The following NANS variants were observed in gnomAD, a reference collection of about 807,000 sequenced individuals.
NANS encodes N-acetylneuraminate-9-phosphate synthase.
Under a neutral mutation model 33.3 loss-of-function variants are expected in NANS, and 29 were observed. The observed-to-expected ratio is 0.87, with a 90% CI of 0.65 to 1.19. The LOEUF is 1.19. Ranked by LOEUF, NANS falls within the 50% of genes most tolerant of loss-of-function variation. The pLI is 0.00. For missense variants in NANS, 394 were observed against 461.1 expected (o/e 0.85, Z 1.33); for synonymous variants, 163 against 177.2 (o/e 0.92, Z 0.64).
Position 98,080,565 on chromosome 9 carries a change from T to G in NANS, c.604-251T>G, listed in dbSNP as rs78129780. On this transcript the variant is annotated intron_variant, in intron 4 of 5. Transcript: ENST00000210444. ...CAATGTGAAACATTCTTAAAATGCATTCTTTAGAATAACAGTAACCATTTT... is the reference window on the plus strand; with the variant it reads ...CAATGTGAAACATTCTTAAAATGCAGTCTTTAGAATAACAGTAACCATTTT... 1.5e-3 allele frequency among the ~76,000 whole-genome samples: 222 copies of G among 152,356 alleles called. 7 individuals are homozygous for G. In the East Asian group the frequency reaches 0.03, roughly 21 times the overall value.
intron 4 of NANS, among the ~76,000 whole-genome samples, chr9:98,080,244 T>C (rs1162544308): frequency 6.6e-6 from 1 of 152,134 alleles, no homozygotes; most frequent in African/African-American, 2.4e-5. Flanking sequence ...AATAAAATAA[T>C]AATACACGCT....
intron 4 of NANS, among the ~76,000 whole-genome samples, chr9:98,078,729 G>C (rs914732933): frequency 1.3e-5 from 2 of 151,616 alleles, no homozygotes; most frequent in Admixed American, 6.6e-5. Context: ...CAGCTACTCA[G>C]GAGGCTGAGG....
At chr9:98,080,687 T>A in intron 4 of NANS, 129 bp from the exon 5 acceptor site, 1 of 1,006,084 alleles carries the variant, frequency 9.9e-7, no homozygotes, top group South Asian at 1.7e-5. Context: ...TCAGAGAGCC[T>A]CAGTATCTTG....
rs368286579 is a variant in NANS, at chr9:98,056,860, C to G, written c.52C>G (p.Pro18Ala). 55 of 1,612,262 alleles carry G rather than the reference C, an allele frequency of 3.4e-5. No individual in the cohort carries two copies. The highest frequency in any genetic ancestry group is 3.3e-4 in the Middle Eastern group (2 of 6,064). ...CPGRWVGGQH[P>A]CFIIAEIGQN... ...CGGGCGCTGGGTGGGCGGGCAACAC[C>G]CGTGCTTCATCATTGCCGAGATCGG... Residue 18 changes from proline to alanine, a missense_variant, in exon 1 of 6, where the codon CCG becomes GCG. Physicochemically the swap from Pro to Ala is conservative, Grantham distance 27. Transcript: ENST00000210444.
At chr9:98,071,999 A>T (rs1829355365) in intron 2 of NANS, among the ~76,000 whole-genome samples, 1 of 152,158 alleles carries the variant, frequency 6.6e-6, no homozygotes, top group Non-Finnish European at 1.5e-5. Flanking sequence ...TGGTGTTTGC[A>T]GCGGGGCTTC....
rs2117966905 is a variant in NANS at position 98,078,206 on chromosome 9, G to T, written c.462G>T (p.Val154=). 1 of 1,614,190 alleles carries T rather than the reference G, an allele frequency of 6.2e-7. No homozygotes were observed. The highest frequency in any genetic ancestry group is 8.5e-7 in the Non-Finnish European group (1 of 1,180,032). ...EKTAKKGRPM[V]ISSGMQSMDT... is the part of the protein sequence containing the mutation. ...TGGATTACTCAGGTCGCCCAATGGT[G>T]ATCTCCAGTGGGATGCAGTCAATGG... is the stretch of plus-strand genomic sequence containing the variant. Residue 154 remains valine (V), a synonymous_variant, in exon 4 of 6, where the codon GTG becomes GTT. Transcript: ENST00000210444.
Position 98,078,258 on chromosome 9 carries a change from G to A in NANS, c.514G>A (p.Val172Met), listed in dbSNP as rs758657004. ...CACCATGAAGCAAGTTTATCAGATC[G>A]TGAAGCCCCTCAACCCCAACTTCTG... ...MDTMKQVYQI[V>M]KPLNPNFCFL... is the part of the protein sequence containing the mutation. Residue 172 changes from valine to methionine, a missense_variant, in exon 4 of 6, where the codon GTG (valine) becomes ATG (methionine). Coordinates refer to ENST00000210444, the MANE Select transcript of NANS (RefSeq NM_018946.4). 49 of 1,613,966 alleles carry A rather than the reference G, an allele frequency of 3.0e-5. No individual in the cohort carries two copies. Among genetic ancestry groups the A allele is most frequent in the Non-Finnish European group, 3.9e-5 (46 of 1,180,030 alleles).
intron 2 of NANS, chr9:98,075,638 CTT>C (rs1829557806): frequency 6.6e-6 from 1 of 152,162 alleles, no homozygotes; most frequent in Non-Finnish European, 1.5e-5. Flanking sequence ...TAAGCCCTAA[CTT>C]ATTTCTGAGT....
At chr9:98,059,127 C>T (rs951300223) in intron 1 of NANS, among the ~76,000 whole-genome samples, 5 of 151,724 alleles carry the variant, frequency 3.3e-5, no homozygotes, top group Non-Finnish European at 5.9e-5. Flanking sequence ...GGGTTCACAC[C>T]GTTCTCCTGT....
chr9:98,066,026 AC>A (rs1414550132), intron 2 of NANS, among the ~76,000 whole-genome samples: 1 of 152,170 alleles, frequency 6.6e-6, no homozygotes, highest in Admixed American at 6.5e-5. Flanking sequence ...CTAAGTCCTA[AC>A]CTGGTTGTTA....
chr9:98,068,375 A>G (rs1378971923), intron 2 of NANS, among the ~76,000 whole-genome samples: 1 of 151,778 alleles, frequency 6.6e-6, no homozygotes, highest in Non-Finnish European at 1.5e-5. Context: ...CCTGATCTCA[A>G]GTGATCTGCC....
At chr9:98,080,668 AAG>A (rs1232453210) in intron 4 of NANS, 146 bp from the exon 5 acceptor site, 18 of 786,530 alleles carry the variant, frequency 2.3e-5, no homozygotes, top group Non-Finnish European at 1.6e-5. Context: ...ATCCCTAGGA[AAG>A]AGAGGCTCAG....
chr9:98,073,276 T>C (rs1829429969), intron 2 of NANS, among the ~76,000 whole-genome samples: 1 of 73,446 alleles, frequency 1.4e-5, no homozygotes, highest in African/African-American at 9.2e-5. Flanking sequence ...ATGGGCTTTT[T>C]TTTTTTTTTT....
At chr9:98,065,155 T>G (rs1440850614) in intron 2 of NANS, among the ~76,000 whole-genome samples, 1 of 152,182 alleles carries the variant, frequency 6.6e-6, no homozygotes, top group East Asian at 1.9e-4. Flanking sequence ...ATTATTGTGT[T>G]AATCCTTCTG....
rs748416345 is a variant in NANS, at chr9:98,056,797, C to T, written c.-12C>T. 1.8e-5 allele frequency: 29 copies of T among 1,609,508 alleles called. No individual in the cohort carries two copies. The highest frequency in any genetic ancestry group is 1.7e-5 in the Admixed American group (1 of 59,644). ...AGACTGGTAGTGAGGCTTTGGACCC[C>T]GAGCCGCTGCAATGCCGCTGGAGCT... On this transcript the variant is annotated 5_prime_UTR_variant, in exon 1 of 6. Transcript: ENST00000210444.
At position 98,076,999 on chromosome 9, in the gene NANS, G is replaced by T. The variant is rs1422865299; in HGVS notation, c.430G>T (p.Glu144Ter). ...AGACACTAATAATTTTCCTTATCTG[G>T]AAAAGACAGCCAAAAAAGGTAAGTG... ...SGDTNNFPYL[E>*]KTAKKGRPMV... The change falls in exon 3 of 6, where the codon GAA becomes TAA. Residue 144 changes from glutamate to a stop codon, truncating the protein, a stop_gained. Transcript: ENST00000210444. LOFTEE classifies it high-confidence loss of function. The T allele has an allele frequency of 1.2e-6, 2 of 1,608,270 alleles. No homozygotes were observed. The highest frequency in any genetic ancestry group is 2.7e-5 in the African/African-American group (2 of 74,726).
chr9:98,077,072 T>C (rs1829626084), intron 3 of NANS, 55 bp downstream of exon 3: 4 of 1,343,532 alleles, frequency 3.0e-6, no homozygotes, highest in Non-Finnish European at 4.2e-6. Context: ...TTCATATTTT[T>C]ACTCCCCTCA....
intron 2 of NANS, among the ~76,000 whole-genome samples, chr9:98,063,604 CA>C (rs531662502): frequency 2.1e-4 from 32 of 151,888 alleles, no homozygotes; most frequent in African/African-American, 7.2e-4. Flanking sequence ...TGCAACGATG[CA>C]ATCATAGCTT....
chr9:98,080,833 T>C lies in NANS; in HGVS notation c.621T>C (p.Phe207=). The C allele has an allele frequency of 2.5e-6, 4 of 1,586,286 alleles. No homozygotes were observed. Among genetic ancestry groups the C allele is most frequent in the Non-Finnish European group, 2.6e-6 (3 of 1,162,656 alleles). ...LRVISEYQKL[F]PDIPIGYSGH... is the part of the protein sequence containing the mutation. ...TTTTAAAGGAATATCAGAAGCTCTT[T>C]CCTGACATTCCCATAGGGTATTCTG... The change falls in exon 5 of 6, where the codon TTT becomes TTC. Residue 207 remains phenylalanine (F), a synonymous_variant. Transcript: ENST00000210444.
Sources: gnomAD v4.1 joint callset for allele counts (sites outside exome capture counted in the v4.1 genomes callset) on GRCh38, gnomAD v4.1.1 for gene constraint, MANE v1.5 for transcripts, NCBI Gene and HGNC (gene_info 2026-07-23, HGNC 2026-07-21) for gene names.